CSMD1: variants seen among roughly 807,000 people sequenced by gnomAD.
CSMD1 encodes the protein CUB and sushi domain-containing protein 1.
Under a neutral mutation model 417.5 loss-of-function variants are expected in CSMD1, and 213 were observed. The ratio of observed to expected loss-of-function variants is 0.51; its 90% CI spans 0.46 to 0.57. The LOEUF is 0.57. Among genes scored for constraint, CSMD1 ranks in the 20% least tolerant of loss-of-function variants. CSMD1 has a pLI of 0.00. For synonymous variants in CSMD1, 2,862 were observed against 1,736.8 expected, an observed-to-expected ratio of 1.65 and a Z score of -16.11; for missense variants, 6,923 against 4,529.7, an observed-to-expected ratio of 1.53 and a Z score of -15.17.
chr8:4,831,121 G>T (rs553800609), intron 1 of CSMD1, among the ~76,000 whole-genome samples: 1 of 152,270 alleles, frequency 6.6e-6, no homozygotes, highest in East Asian at 1.9e-4. Flanking sequence ...TAGGAAAAAA[G>T]AAACTGTAAA....
intron 10 of CSMD1, among the ~76,000 whole-genome samples, chr8:3,566,442 G>A (rs981360036): frequency 7.9e-5 from 12 of 152,050 alleles, no homozygotes; most frequent in Admixed American, 7.2e-4. Flanking sequence ...ACTGTACCTA[G>A]GGACCACCGT....
At chr8:4,008,371 T>C (rs1198590252) in intron 4 of CSMD1, among the ~76,000 whole-genome samples, 5 of 151,880 alleles carry the variant, frequency 3.3e-5, no homozygotes, top group African/African-American at 1.2e-4. Flanking sequence ...CTAATAAGCA[T>C]GAAAATATAT....
At chr8:4,040,990 A>ATTTTC (rs1797856836) in intron 3 of CSMD1, among the ~76,000 whole-genome samples, 1 of 100,106 alleles carries the variant, frequency 1.0e-5, no homozygotes. Flanking sequence ...GTGGTCCTAT[A>ATTTTC]TTTTCTTTTC....
chr8:3,652,199 G>C (rs76776940), intron 7 of CSMD1, among the ~76,000 whole-genome samples: 18,823 of 144,008 alleles, frequency 0.13, 1,625 homozygotes, highest in East Asian at 0.34. Context: ...CACCTTCAGC[G>C]GGCCTACCAC....
rs1373035547 is a variant in CSMD1 at position 3,190,037 on chromosome 8, G to T, written c.5273C>A (p.Ser1758Tyr). The T allele has an allele frequency of 1.9e-6, 3 of 1,594,782 alleles. No individual in the cohort carries two copies. The African/African-American group carries it at 4.0e-5, about 21-fold the overall frequency. Reference protein sequence around the residue: ...RYGRRIGSEFSAGSIVRFECN... With the variant: ...RYGRRIGSEFYAGSIVRFECN... ...CTCGAATCGGACGATGGAGCCGGCA[G>T]AAAACTCAGAACCAATTCTCCTTCC... is the stretch of plus-strand genomic sequence containing the variant. The change falls in exon 34 of 70, where the codon TCT becomes TAT. Residue 1758 changes from serine (S) to tyrosine (Y), a missense_variant. Transcript: ENST00000635120.
At chr8:4,493,191 C>T (rs1259306928) in intron 2 of CSMD1, among the ~76,000 whole-genome samples, 3 of 151,816 alleles carry the variant, frequency 2.0e-5, no homozygotes, top group African/African-American at 7.3e-5. Context: ...AGACAGTAAG[C>T]GTTATATACC....
At chr8:4,136,297 T>C (rs191321846) in intron 3 of CSMD1, among the ~76,000 whole-genome samples, 8 of 152,350 alleles carry the variant, frequency 5.3e-5, no homozygotes, top group Non-Finnish European at 1.0e-4. Context: ...ACCATCTTTT[T>C]TTAGCTTCCA....
rs115366956 is a variant in CSMD1, at chr8:3,905,134, G to C, written c.818+92769C>G. Among the ~76,000 whole-genome samples, 390 of 152,154 alleles carry C rather than the reference G, an allele frequency of 2.6e-3. 1 individual carries two copies. Among genetic ancestry groups the C allele is most frequent in the African/African-American group, 6.9e-3 (285 of 41,520 alleles). On this transcript the variant is annotated intron_variant, in intron 5 of 69. Transcript: ENST00000635120. ...TTTAATATTTTCCAAGAAATTCAGAGAGAATCCTTCCATTTAAAGAATGAT... is the reference window on the plus strand; with the variant it reads ...TTTAATATTTTCCAAGAAATTCAGACAGAATCCTTCCATTTAAAGAATGAT...
At chr8:3,717,094 T>G (rs976397707) in intron 6 of CSMD1, among the ~76,000 whole-genome samples, 1 of 152,204 alleles carries the variant, frequency 6.6e-6, no homozygotes, top group Admixed American at 6.5e-5. Flanking sequence ...CTTTACCATA[T>G]CTCAACAGTC....
chr8:4,674,995 A>G (rs755503311), intron 1 of CSMD1, among the ~76,000 whole-genome samples: 16 of 152,188 alleles, frequency 1.1e-4, no homozygotes, highest in Non-Finnish European at 2.1e-4. Flanking sequence ...TCTCCAAACC[A>G]AGAAGAGAGC....
rs116077200 is a variant in CSMD1, at chr8:4,168,975, T to C, written c.416-136876A>G. Among the ~76,000 whole-genome samples, 932 of 152,166 alleles carry C rather than the reference T, an allele frequency of 6.1e-3. 8 individuals carry two copies. Among genetic ancestry groups the C allele is most frequent in the African/African-American group, 0.021 (868 of 41,496 alleles). ...GATCATCTCTGCTATCCTCAGGCCG[T>C]TCTCCTCATTTTCCTACTATCTTAT... On this transcript the variant is annotated intron_variant, in intron 3 of 69. Transcript: ENST00000635120.
At chr8:3,313,671 G>C (rs972175743) in intron 23 of CSMD1, among the ~76,000 whole-genome samples, 2 of 152,128 alleles carry the variant, frequency 1.3e-5, no homozygotes, top group African/African-American at 4.8e-5. Flanking sequence ...CACTGTTGGT[G>C]GGACTGTAAA....
chr8:3,306,582 G>A (rs1251859023), intron 25 of CSMD1, among the ~76,000 whole-genome samples: 1 of 152,146 alleles, frequency 6.6e-6, no homozygotes, highest in African/African-American at 2.4e-5. Context: ...GTAGACGCCT[G>A]GGACATGCAG....
rs188761610 is a variant in CSMD1 at position 4,684,058 on chromosome 8, G to C, written c.86-46500C>G. Among the ~76,000 whole-genome samples the C allele has an allele frequency of 2.1e-4, 32 of 152,300 alleles. 1 individual carries two copies. In the South Asian group the frequency reaches 5.4e-3, roughly 26 times the overall value. ...TGATGGCATTTTACAATTTTTGTAA[G>C]TTTAGAAGAACATTTAAAAATCCAG... is the stretch of plus-strand genomic sequence containing the variant. On this transcript the variant is annotated intron_variant, in intron 1 of 69. Coordinates refer to ENST00000635120, the MANE Select transcript of CSMD1 (RefSeq NM_033225.6).
intron 7 of CSMD1, among the ~76,000 whole-genome samples, chr8:3,656,970 A>T (rs1798142412): frequency 6.6e-6 from 1 of 151,930 alleles, no homozygotes; most frequent in Non-Finnish European, 1.5e-5. Flanking sequence ...TTTGCAAGCC[A>T]ATCAGTGAAT....
At chr8:4,219,736 G>C (rs576154819) in intron 3 of CSMD1, among the ~76,000 whole-genome samples, 1 of 152,068 alleles carries the variant, frequency 6.6e-6, no homozygotes, top group Non-Finnish European at 1.5e-5. Flanking sequence ...ATGTAACTTG[G>C]TTTGAATGAC....
chr8:3,058,752 G>C (rs1187267768), intron 49 of CSMD1, among the ~76,000 whole-genome samples: 1 of 151,862 alleles, frequency 6.6e-6, no homozygotes, highest in Non-Finnish European at 1.5e-5. Flanking sequence ...CAAGGATTTA[G>C]ACTATCCTAA....
chr8:3,422,143 C>T (rs544779859), intron 12 of CSMD1, among the ~76,000 whole-genome samples: 6 of 152,218 alleles, frequency 3.9e-5, no homozygotes, highest in African/African-American at 9.6e-5. Flanking sequence ...CTCTACTCTG[C>T]ACCAGTGTTT....
At chr8:4,086,078 C>A (rs1233736423) in intron 3 of CSMD1, among the ~76,000 whole-genome samples, 1 of 152,104 alleles carries the variant, frequency 6.6e-6, no homozygotes, top group African/African-American at 2.4e-5. Flanking sequence ...CGTATTTTTT[C>A]CATATTTAAT....
Sources: allele counts gnomAD v4.1 joint callset (sites outside exome capture counted in the v4.1 genomes callset), GRCh38; gene constraint gnomAD v4.1.1; transcripts MANE v1.5; gene names NCBI Gene and HGNC (gene_info 2026-07-23, HGNC 2026-07-21).